The following OCIAD1 variants were observed in gnomAD, a reference collection of about 807,000 sequenced individuals.
OCIAD1 encodes the protein OCIA domain containing 1.
OCIAD1 carries 29 observed loss-of-function variants against 38.9 expected under a neutral mutation model. The observed-to-expected ratio is 0.74, with a 90% CI of 0.55 to 1.02. The LOEUF (loss-of-function observed/expected upper bound fraction) is 1.02. Ranked by LOEUF, OCIAD1 falls within the 50% of genes least tolerant of loss-of-function variation. The pLI is 0.00. For synonymous variants in OCIAD1, 110 were observed against 92.0 expected (o/e 1.20, Z -1.12); for missense variants, 288 against 289.6 (o/e 0.99, Z 0.04).
rs529337920 is a variant in OCIAD1, at chr4:48,810,645, G to A, written c.-103+5315G>A. Among the ~76,000 whole-genome samples, 175 of 152,066 alleles carry A rather than the reference G, an allele frequency of 1.2e-3. 1 individual carries two copies. The highest frequency in any genetic ancestry group is 1.9e-3 in the Non-Finnish European group (129 of 68,008). ...TAGGAAATATTAGTTGAGCACCTGA[G>A]CGTCAGGCACTGTTCTAGGCACTAG... On this transcript the variant is annotated intron_variant, in intron 1 of 6. Coordinates refer to the OCIAD1 transcript ENST00000504654.
chr4:48,809,730 G>A (rs1777066241), intron 1 of OCIAD1, among the ~76,000 whole-genome samples: 1 of 151,954 alleles, frequency 6.6e-6, no homozygotes, highest in South Asian at 2.1e-4. Flanking sequence ...TGCATATGCT[G>A]CACTTTCTGC....
rs372748181 is a variant in OCIAD1, at chr4:48,806,004, C to T, written c.-103+674C>T. On this transcript the variant is annotated intron_variant, in intron 1 of 6. Transcript: ENST00000504654. ...ACAGGCCGGGCATGGTGGTGGCTCA[C>T]GCCTGTAATCCCAACACTTTGGGAG... 2.2e-4 allele frequency among the ~76,000 whole-genome samples: 34 copies of T among 152,296 alleles called. No homozygotes were observed. The East Asian group carries it at 2.5e-3, about 11-fold the overall frequency.
Position 48,842,691 on chromosome 4 carries a change from TA to T in OCIAD1, c.193+5del. 6.7e-7 allele frequency: 1 copy of T among 1,488,520 alleles called. No homozygotes were observed. Among genetic ancestry groups the T allele is most frequent in the Non-Finnish European group, 9.2e-7 (1 of 1,089,630 alleles). The allele number at this position is 1,488,520 out of a possible 1,614,324, so 92.2% of individuals were successfully genotyped here. On this transcript the variant is annotated splice_donor_region_variant and intron_variant, in intron 4 of 8. Transcript: ENST00000264312. The stretch of plus-strand genomic sequence containing the variant: ...TTACTCAAGGATTAATTAGTAAAGG[TA>T]AATATTTAAAATTTGAATTTATTTA...
In OCIAD1 at chr4:48,809,381, G is replaced by T. The variant is rs187279953; in HGVS notation, c.-103+4051G>T. The stretch of plus-strand genomic sequence containing the variant: ...TACTACAAATACAAAAAAATTAACT[G>T]GGAGCGGTGGTGGGCGCCAATAATC... On this transcript the variant is annotated intron_variant, in intron 1 of 6. Transcript: ENST00000504654. Among the ~76,000 whole-genome samples the T allele has an allele frequency of 6.8e-4, 104 of 152,082 alleles. 3 individuals carry two copies. The East Asian group carries it at 0.02, about 29-fold the overall frequency.
upstream of OCIAD1, among the ~76,000 whole-genome samples, chr4:48,829,034 G>A (rs1777283887): frequency 6.6e-6 from 1 of 152,174 alleles, no homozygotes; most frequent in Non-Finnish European, 1.5e-5. Flanking sequence ...GCCAAAGTGG[G>A]CAGATCACTT....
Position 48,848,385 on chromosome 4 carries a change from A to T in OCIAD1, c.194-14A>T. Reference sequence around the variant, plus strand: ...TAACAGTGTTACTCAGAAATACTTAACTCTTTTCTTTAGGAATACTTTCAA... The same window carrying T: ...TAACAGTGTTACTCAGAAATACTTATCTCTTTTCTTTAGGAATACTTTCAA... On this transcript the variant is annotated splice_polypyrimidine_tract_variant and intron_variant, in intron 4 of 8. Coordinates refer to ENST00000264312, the MANE Select transcript of OCIAD1 (RefSeq NM_017830.4). 1 of 1,354,176 alleles carries T rather than the reference A, an allele frequency of 7.4e-7. No homozygotes were observed. The allele number at this position is 1,354,176 out of a possible 1,614,324, so 83.9% of individuals were successfully genotyped here. A position where few individuals can be genotyped will look rare whatever the true frequency, so the allele number is the denominator to read the frequency against.
intron 7 of OCIAD1, chr4:48,856,945 A>AT (rs1451881236): frequency 2.0e-5 from 4 of 199,670 alleles, no homozygotes; most frequent in Non-Finnish European, 3.1e-5. Flanking sequence ...TATGATACAT[A>AT]TTTTTCTTCT....
intron 3 of OCIAD1, among the ~76,000 whole-genome samples, chr4:48,835,312 T>G (rs1777883785): frequency 1.3e-5 from 2 of 152,162 alleles, no homozygotes; most frequent in Admixed American, 6.5e-5. Flanking sequence ...GCAGAAGACT[T>G]TTTAAAGAGA....
chr4:48,848,908 A>G (rs1199902383), intron 5 of OCIAD1, among the ~76,000 whole-genome samples: 2 of 152,334 alleles, frequency 1.3e-5, no homozygotes, highest in African/African-American at 2.4e-5. Context: ...TTGCCCATCA[A>G]TGATAGACTG....
chr4:48,812,400 C>T lies in OCIAD1; in HGVS notation c.-103+7070C>T, dbSNP rs572906067. 8.7e-5 allele frequency among the ~76,000 whole-genome samples: 13 copies of T among 149,120 alleles called. No homozygotes were observed. In the South Asian group the frequency reaches 2.8e-3, roughly 32 times the overall value. On this transcript the variant is annotated intron_variant, in intron 1 of 6. Coordinates refer to the OCIAD1 transcript ENST00000504654. ...CAGAGGTTACCAAGAAAGTGGCTAC[C>T]GAGATGTCCAAGGCCTGTCTGAGTC...
chr4:48,857,234 A>G lies in OCIAD1; in HGVS notation c.569A>G (p.Glu190Gly), dbSNP rs1780119733. The G allele has an allele frequency of 1.9e-6, 3 of 1,555,848 alleles. No individual in the cohort carries two copies. The African/African-American group carries it at 4.2e-5, about 22-fold the overall frequency. Residue 190 changes from glutamate to glycine, a missense_variant, in exon 8 of 9, where the codon GAA becomes GGA. Coordinates refer to ENST00000264312, the MANE Select transcript of OCIAD1 (RefSeq NM_017830.4). Reference protein sequence around the residue: ...IVQGPDPNLEESPKRKNITYE... With the variant: ...IVQGPDPNLEGSPKRKNITYE... ...TTAGGACCTGATCCCAACCTTGAAG[A>G]AAGTCCTAAAAGAAAAAATATTACA...
chr4:48,817,406 C>T (rs1381351385), intron 1 of OCIAD1, among the ~76,000 whole-genome samples: 1 of 152,038 alleles, frequency 6.6e-6, no homozygotes, highest in Non-Finnish European at 1.5e-5. Context: ...CTGTGCTACC[C>T]AGCCGGGTTA....
Position 48,832,661 on chromosome 4 carries a change from G to C in OCIAD1, c.37G>C (p.Glu13Gln). Residue 13 changes from glutamate (E) to glutamine (Q), a missense_variant, in exon 2 of 9, where the codon GAG becomes CAG. By Grantham distance (29) the Glu-to-Gln change is conservative (BLOSUM62 2). Coordinates refer to ENST00000264312, the MANE Select transcript of OCIAD1 (RefSeq NM_017830.4). ...GGCTGATTTTCGAGAGCCGAATGCAGAGGTTCCAAGACCAATTCCCCGTAA... is the reference window on the plus strand; with the variant it reads ...GGCTGATTTTCGAGAGCCGAATGCACAGGTTCCAAGACCAATTCCCCGTAA... ...GRADFREPNA[E>Q]VPRPIPHIGP... The C allele has an allele frequency of 3.1e-6, 5 of 1,612,890 alleles. No homozygotes were observed. Among genetic ancestry groups the C allele is most frequent in the Non-Finnish European group, 4.2e-6 (5 of 1,178,906 alleles).
intron 3 of OCIAD1, among the ~76,000 whole-genome samples, chr4:48,834,760 A>G (rs548480760): frequency 6.6e-6 from 1 of 152,234 alleles, no homozygotes; most frequent in African/African-American, 2.4e-5. Flanking sequence ...AGCCTGGGTG[A>G]CAGAGCCAGA....
chr4:48,825,145 C>T (rs571341831), intron 1 of OCIAD1, among the ~76,000 whole-genome samples: 2 of 152,320 alleles, frequency 1.3e-5, no homozygotes, highest in East Asian at 3.9e-4. Context: ...CATTTCAACC[C>T]CAAAAGTCCA....
At chr4:48,809,293 G>T (rs564615076) in intron 1 of OCIAD1, among the ~76,000 whole-genome samples, 2 of 152,114 alleles carry the variant, frequency 1.3e-5, no homozygotes, top group Non-Finnish European at 2.9e-5. Context: ...AGGCCAAGGT[G>T]GGCGGATCAC....
At chr4:48,850,563 G>A (rs1779349358) in intron 6 of OCIAD1, among the ~76,000 whole-genome samples, 1 of 152,074 alleles carries the variant, frequency 6.6e-6, no homozygotes, top group Non-Finnish European at 1.5e-5. Context: ...ACTGTGCCTG[G>A]TTCTTCATTT....
intron 8 of OCIAD1, among the ~76,000 whole-genome samples, chr4:48,859,376 T>C (rs959783720): frequency 6.6e-6 from 1 of 152,180 alleles, no homozygotes; most frequent in Non-Finnish European, 1.5e-5. Flanking sequence ...TTTGAGGATT[T>C]AGATTGTAAG....
intron 1 of OCIAD1, among the ~76,000 whole-genome samples, chr4:48,805,749 C>A (rs977685435): frequency 8.6e-5 from 13 of 150,908 alleles, no homozygotes; most frequent in Admixed American, 4.6e-4. Flanking sequence ...CCTTTGTATT[C>A]TATATTCCAG....
Sources: allele counts gnomAD v4.1 joint callset (sites outside exome capture counted in the v4.1 genomes callset), GRCh38; gene constraint gnomAD v4.1.1; transcripts MANE v1.5; gene names NCBI Gene and HGNC (gene_info 2026-07-23, HGNC 2026-07-21).